NKAIN2: variants seen among roughly 807,000 people sequenced by gnomAD.
The protein encoded by NKAIN2 is sodium/potassium-transporting ATPase subunit beta-1-interacting protein 2.
A neutral mutation model predicts 32.6 loss-of-function variants in NKAIN2; 14 were observed. The observed-to-expected ratio is 0.43, with a 90% confidence interval of 0.28 to 0.67. The LOEUF is 0.67. Ranked by LOEUF, NKAIN2 falls within the 30% of genes least tolerant of loss-of-function variation. The pLI is 0.17. For missense variants in NKAIN2, 198 were observed against 258.3 expected (o/e 0.77, Z 1.60); for synonymous variants, 80 against 87.2 (o/e 0.92, Z 0.46).
chr6:124,205,346 G>T (rs1790811755), intron 1 of NKAIN2, among the ~76,000 whole-genome samples: 1 of 120,440 alleles, frequency 8.3e-6, no homozygotes, highest in Non-Finnish European at 1.8e-5. Flanking sequence ...GGGTTACTCT[G>T]CATTTTCTTA....
At chr6:124,408,534 C>G (rs1163556669) in intron 3 of NKAIN2, among the ~76,000 whole-genome samples, 2 of 152,110 alleles carry the variant, frequency 1.3e-5, no homozygotes, top group African/African-American at 2.4e-5. Context: ...TCTGAGGGCT[C>G]TGTTCTGTTC....
intron 1 of NKAIN2, among the ~76,000 whole-genome samples, chr6:124,237,094 T>C (rs887635277): frequency 6.6e-6 from 1 of 152,116 alleles, no homozygotes; most frequent in South Asian, 2.1e-4. Flanking sequence ...TGAGACATAC[T>C]ATGGAAAGAC....
chr6:124,215,667 G>T (rs1301896144), intron 1 of NKAIN2, among the ~76,000 whole-genome samples: 1 of 152,124 alleles, frequency 6.6e-6, no homozygotes, highest in African/African-American at 2.4e-5. Context: ...ACTGTCATAA[G>T]AGTAAGAGTG....
At chr6:124,410,767 C>CGTT (rs1467440899) in intron 3 of NKAIN2, among the ~76,000 whole-genome samples, 13 of 152,004 alleles carry the variant, frequency 8.6e-5, no homozygotes, top group Non-Finnish European at 1.9e-4. Context: ...CTTTCTGTCT[C>CGTT]GATCTGTCTA....
chr6:124,113,050 T>C (rs1176565331), intron 1 of NKAIN2, among the ~76,000 whole-genome samples: 1 of 152,150 alleles, frequency 6.6e-6, no homozygotes, highest in Non-Finnish European at 1.5e-5. Flanking sequence ...TGTTCCTTTT[T>C]TTGGAGCATC....
chr6:123,851,557 T>G (rs1257449108), intron 1 of NKAIN2, among the ~76,000 whole-genome samples: 1 of 152,298 alleles, frequency 6.6e-6, no homozygotes, highest in East Asian at 1.9e-4. Flanking sequence ...AGCTGTTTTT[T>G]ATTTTTTGAG....
intron 3 of NKAIN2, among the ~76,000 whole-genome samples, chr6:124,451,055 T>C (rs895219788): frequency 6.6e-6 from 1 of 152,088 alleles, no homozygotes; most frequent in Non-Finnish European, 1.5e-5. Context: ...TCAGTTAAAA[T>C]AATGGAACCT....
chr6:124,357,270 TTATCGTTATA>T, intron 3 of NKAIN2, among the ~76,000 whole-genome samples: 1 of 152,302 alleles, frequency 6.6e-6, no homozygotes, highest in African/African-American at 2.4e-5. Context: ...AGTTATATAG[TTATCGTTATA>T]TAGTTATCTG....
intron 2 of NKAIN2, among the ~76,000 whole-genome samples, chr6:124,307,433 A>G (rs1485170830): frequency 6.6e-6 from 1 of 152,148 alleles, no homozygotes; most frequent in African/African-American, 2.4e-5. Flanking sequence ...AGTGGTAGGT[A>G]GGTGAATGGG....
chr6:124,795,214 G>A (rs184903603), intron 5 of NKAIN2, among the ~76,000 whole-genome samples: 1 of 152,174 alleles, frequency 6.6e-6, no homozygotes. Flanking sequence ...GCTTAGAATG[G>A]CTGTGGAGAT....
chr6:124,712,403 G>T lies in NKAIN2; in HGVS notation c.474+54017G>T, dbSNP rs917292162. On this transcript the variant is annotated intron_variant, in intron 4 of 6. Coordinates refer to ENST00000368417, the MANE Select transcript of NKAIN2 (RefSeq NM_001040214.3). ...TAATCAAGCCTGGGCAATGGCGGGC[G>T]CCCCTCCCCCAGGCTCGCTGCCGCC... Among the ~76,000 whole-genome samples, 2 of 116,148 alleles carry T rather than the reference G, an allele frequency of 1.7e-5. 1 individual carries two copies. Among genetic ancestry groups the T allele is most frequent in the Non-Finnish European group, 3.6e-5 (2 of 54,820 alleles). The allele number at this position is 116,148 out of a possible 152,430, so 76.2% of individuals were successfully genotyped here.
At chr6:124,034,490 T>C (rs972965864) in intron 1 of NKAIN2, among the ~76,000 whole-genome samples, 1 of 152,134 alleles carries the variant, frequency 6.6e-6, no homozygotes, top group African/African-American at 2.4e-5. Context: ...ATGGTGTATA[T>C]GAATCACATT....
At chr6:124,528,816 A>G (rs62435064) in intron 3 of NKAIN2, among the ~76,000 whole-genome samples, 3,555 of 152,332 alleles carry the variant, frequency 0.023, 89 homozygotes, top group Non-Finnish European at 0.033. Context: ...ATGAAAATCA[A>G]CAAAGCCAGA....
chr6:124,735,240 T>C (rs1776878146), intron 4 of NKAIN2, among the ~76,000 whole-genome samples: 1 of 151,950 alleles, frequency 6.6e-6, no homozygotes, highest in Admixed American at 6.6e-5. Context: ...CTTCTCAGTT[T>C]GAGTTAAACA....
chr6:124,540,272 C>T (rs1162617527), intron 3 of NKAIN2, among the ~76,000 whole-genome samples: 1 of 152,174 alleles, frequency 6.6e-6, no homozygotes, highest in East Asian at 1.9e-4. Flanking sequence ...TAGAGCACAG[C>T]TCTAGTCATT....
intron 3 of NKAIN2, among the ~76,000 whole-genome samples, chr6:124,505,818 A>C (rs1212098018): frequency 6.6e-6 from 1 of 152,058 alleles, no homozygotes; most frequent in African/African-American, 2.4e-5. Context: ...CCTTTAATTG[A>C]GTGCCTGCCC....
At chr6:124,152,893 A>ACTAAG (rs1787800272) in intron 1 of NKAIN2, among the ~76,000 whole-genome samples, 1 of 151,940 alleles carries the variant, frequency 6.6e-6, no homozygotes, top group Non-Finnish European at 1.5e-5. Context: ...AGTGAAATAA[A>ACTAAG]CTAAGCAGAG....
chr6:124,091,667 T>G (rs182330650), intron 1 of NKAIN2, among the ~76,000 whole-genome samples: 1 of 151,978 alleles, frequency 6.6e-6, no homozygotes, highest in Admixed American at 6.6e-5. Flanking sequence ...CATTATTTTT[T>G]TTTTCCCCCC....
chr6:124,178,100 T>C (rs897997926), intron 1 of NKAIN2, among the ~76,000 whole-genome samples: 1 of 151,824 alleles, frequency 6.6e-6, no homozygotes, highest in African/African-American at 2.4e-5. Context: ...TCATCCATTT[T>C]ACCATGTGAA....
Sources: allele counts gnomAD v4.1 joint callset (sites outside exome capture counted in the v4.1 genomes callset), GRCh38; gene constraint gnomAD v4.1.1; transcripts MANE v1.5; gene names NCBI Gene and HGNC (gene_info 2026-07-23, HGNC 2026-07-21).